The following DCD variants were observed in gnomAD, a reference collection of about 807,000 sequenced individuals.
The protein encoded by DCD is diffusible survival/evasion peptide.
DCD carries 17 observed loss-of-function variants against 14.5 expected under a neutral mutation model. The ratio of observed to expected loss-of-function variants is 1.18; its 90% confidence interval spans 0.81 to 1.76. The LOEUF (loss-of-function observed/expected upper bound fraction) is 1.76, where lower values mean the gene tolerates loss of function less well. DCD is among the 40% of genes most tolerant of loss of function. DCD has a pLI of 0.00. For synonymous variants in DCD, 64 were observed against 54.0 expected, an observed-to-expected ratio of 1.19 and a Z score of -0.82; for missense variants, 139 against 133.4, an observed-to-expected ratio of 1.04 and a Z score of -0.21.
At chr12:54,645,027 G>A in intron 4 of DCD, 146 bp downstream of exon 4, 1 of 1,494,658 alleles carries the variant, frequency 6.7e-7, no homozygotes, top group Non-Finnish European at 9.1e-7. Flanking sequence ...GACAAGAATG[G>A]CAATTTAAAT....
chr12:54,648,067 G>T (rs1383439270), intron 1 of DCD, among the ~76,000 whole-genome samples, 179 bp downstream of exon 1: 2 of 152,206 alleles, frequency 1.3e-5, no homozygotes, highest in African/African-American at 4.8e-5. Flanking sequence ...GGGGCCACAG[G>T]GCTCCTGGCT....
At chr12:54,644,785 A>G (rs199825782) in intron 4 of DCD, 29 bp from the exon 5 acceptor site, 4 of 1,594,710 alleles carry the variant, frequency 2.5e-6, no homozygotes, top group Middle Eastern at 1.7e-4. Flanking sequence ...AAAATGGGGT[A>G]AAGGGGTAGG....
chr12:54,644,911 T>A lies in DCD; in HGVS notation c.290-155A>T, dbSNP rs1212211958. 2.6e-6 allele frequency: 4 copies of A among 1,549,646 alleles called. No homozygotes were observed. In the African/African-American group the frequency reaches 5.5e-5, roughly 21 times the overall value. ...AGAAGTCAGAGGGATGGAGGTTAGA[T>A]TCACAGGAGCCCCAAAGACCAACCT... On this transcript the variant is annotated intron_variant, in intron 4 of 4. Coordinates refer to ENST00000293371, the MANE Select transcript of DCD (RefSeq NM_053283.4).
At chr12:54,647,359 C>T (rs1376674551) in intron 1 of DCD, among the ~76,000 whole-genome samples, 200 bp from the exon 2 acceptor site, 1 of 152,190 alleles carries the variant, frequency 6.6e-6, no homozygotes, top group Non-Finnish European at 1.5e-5. Flanking sequence ...TGTTATCCTC[C>T]CTAGACCTAG....
At position 54,644,713 on chromosome 12, in the gene DCD, C is replaced by G. The variant is rs1288745254; in HGVS notation, c.333G>C (p.Ter111TyrextTer2). The G allele has an allele frequency of 1.2e-6, 2 of 1,604,742 alleles. No homozygotes were observed. Among genetic ancestry groups the G allele is most frequent in the African/African-American group, 1.4e-5 (1 of 72,684 alleles). ...DVKDVLDSVL[*>Y] is the part of the protein sequence containing the mutation. The stretch of plus-strand genomic sequence containing the variant: ...ATCATTTCTCAGCTTCTCCTTACAG[C>G]TATAGTACTGAGTCAAGGACGTCTT... Residue 111 changes from the stop codon to tyrosine (Y), a stop_lost, in exon 5 of 5, where the codon TAG (stop) becomes TAC (tyrosine). Transcript: ENST00000293371.
Position 54,647,175 on chromosome 12 carries a change from C to A in DCD, c.59-16G>T, listed in dbSNP as rs1958268224. 4 of 1,559,336 alleles carry A rather than the reference C, an allele frequency of 2.6e-6. No individual in the cohort carries two copies. Among genetic ancestry groups the A allele is most frequent in the South Asian group, 2.4e-5 (2 of 84,402 alleles). ...TCTGGATCATCTGCAAAGGAGGGAA[C>A]AGTGACCATGTCAAGTAGGGCACAG... is the stretch of plus-strand genomic sequence containing the variant. On this transcript the variant is annotated splice_polypyrimidine_tract_variant and intron_variant, in intron 1 of 4. Coordinates refer to ENST00000293371, the MANE Select transcript of DCD (RefSeq NM_053283.4).
In DCD at chr12:54,645,663, C is replaced by T. The variant is rs1395065942; in HGVS notation, c.142G>A (p.Asp48Asn). The change falls in exon 3 of 5, where the codon GAC (aspartate) becomes AAC (asparagine). Residue 48 changes from aspartate (D) to asparagine (N), a missense_variant. Coordinates refer to ENST00000293371, the MANE Select transcript of DCD (RefSeq NM_053283.4). ...SAAQKENAGE[D>N]PGLARQAPKP... ...GGTGCCTGTCTGGCTAACCCTGGGT[C>T]TTCACCTGCATTTTCCTTTTGAGCT... 4 of 1,614,170 alleles carry T rather than the reference C, an allele frequency of 2.5e-6. No individual in the cohort carries two copies. The highest frequency in any genetic ancestry group is 3.4e-6 in the Non-Finnish European group (4 of 1,180,020).
rs769331508 is a variant in DCD at position 54,645,122 on chromosome 12, G to C, written c.289+51C>G. On this transcript the variant is annotated intron_variant, in intron 4 of 4. Transcript: ENST00000293371. Reference sequence around the variant, plus strand: ...TGTGGCAGTTTCAGATCTCATGCAAGGGGTGGAGACTGAGGCTGGTCCTGA... The same window carrying C: ...TGTGGCAGTTTCAGATCTCATGCAACGGGTGGAGACTGAGGCTGGTCCTGA... 3 of 1,584,204 alleles carry C rather than the reference G, an allele frequency of 1.9e-6. No homozygotes were observed. The South Asian group carries it at 3.3e-5, about 18-fold the overall frequency.
intron 1 of DCD, 71 bp downstream of exon 1, chr12:54,648,175 A>C: frequency 1.3e-6 from 2 of 1,551,722 alleles, no homozygotes; most frequent in Non-Finnish European, 1.8e-6. Flanking sequence ...GAGGAGGGGA[A>C]GGGGAAATGA....
chr12:54,645,926 T>C, intron 2 of DCD: 2 of 567,904 alleles, frequency 3.5e-6, no homozygotes, highest in Non-Finnish European at 6.5e-6. Flanking sequence ...TCCAGGGCCC[T>C]TTTCTAGAGT....
chr12:54,648,216 G>A lies in DCD; in HGVS notation c.58+30C>T, dbSNP rs768989743. The A allele has an allele frequency of 1.5e-5, 24 of 1,611,916 alleles. No individual in the cohort carries two copies. In the Admixed American group the frequency reaches 3.8e-4, roughly 26 times the overall value. On this transcript the variant is annotated intron_variant, in intron 1 of 4. Transcript: ENST00000293371. ...GGGCCCAGTCTTCAGGGGACTATAT[G>A]GTTGGGTGTCGGGGAAGAGCCATAC...
chr12:54,644,763 C>T lies in DCD; in HGVS notation c.290-7G>A, dbSNP rs757608223. 12 of 1,601,274 alleles carry T rather than the reference C, an allele frequency of 7.5e-6. No individual in the cohort carries two copies. The highest frequency in any genetic ancestry group is 7.7e-6 in the Non-Finnish European group (9 of 1,173,534). On this transcript the variant is annotated splice_region_variant and splice_polypyrimidine_tract_variant and intron_variant, in intron 4 of 4. Transcript: ENST00000293371. ...TTAACGTCATGGACGGCTCCTAGGA[C>T]AGCCACAGAAAAAAATGGGGTAAAG...
At chr12:54,646,742 G>C (rs2121289017) in intron 2 of DCD, among the ~76,000 whole-genome samples, 1 of 152,298 alleles carries the variant, frequency 6.6e-6, no homozygotes, top group Middle Eastern at 3.4e-3. Flanking sequence ...AGGCTAGGAG[G>C]TGAGAGTTTC....
chr12:54,648,340 T>C lies in DCD; in HGVS notation c.-37A>G, dbSNP rs949349136. 1.9e-6 allele frequency: 3 copies of C among 1,612,972 alleles called. No homozygotes were observed. Among genetic ancestry groups the C allele is most frequent in the Non-Finnish European group, 2.5e-6 (3 of 1,179,450 alleles). ...CTGGAGTGGGTATGCCACCAAATCCTTGGAGATCTTGGGATCTAGGGTGTC... is the reference window on the plus strand; with the variant it reads ...CTGGAGTGGGTATGCCACCAAATCCCTGGAGATCTTGGGATCTAGGGTGTC... On this transcript the variant is annotated 5_prime_UTR_variant, in exon 1 of 5. Coordinates refer to ENST00000293371, the MANE Select transcript of DCD (RefSeq NM_053283.4).
intron 4 of DCD, 157 bp downstream of exon 4, chr12:54,645,016 A>G: frequency 6.6e-7 from 1 of 1,506,058 alleles, no homozygotes; most frequent in South Asian, 1.2e-5. Context: ...TATCAATATC[A>G]GACAAGAATG....
intron 1 of DCD, among the ~76,000 whole-genome samples, chr12:54,647,884 A>C (rs962826286): frequency 6.6e-6 from 1 of 152,126 alleles, no homozygotes; most frequent in African/African-American, 2.4e-5. Context: ...TTGAGTAGGA[A>C]GGAGGTTGAC....
chr12:54,644,858 G>A, intron 4 of DCD, 102 bp from the exon 5 acceptor site: 1 of 1,552,044 alleles, frequency 6.4e-7, no homozygotes, highest in Non-Finnish European at 8.7e-7. Flanking sequence ...GAAGGGGAAG[G>A]GGAAGGGAGG....
Position 54,645,704 on chromosome 12 carries a change from C to A in DCD, c.101G>T (p.Cys34Phe), listed in dbSNP as rs763370380. The A allele has an allele frequency of 8.1e-6, 13 of 1,613,676 alleles. No individual in the cohort carries two copies. Among genetic ancestry groups the A allele is most frequent in the South Asian group, 7.7e-5 (7 of 91,060 alleles). Residue 34 changes from cysteine (C) to phenylalanine (F), a missense_variant, in exon 3 of 5, where the codon TGC becomes TTC. Cys to Phe is a radical substitution (Grantham distance 205). Coordinates refer to ENST00000293371, the MANE Select transcript of DCD (RefSeq NM_053283.4). ...CTTTTGAGCTGCTGATGCTTCATGG[C>A]AAGCTGCAAGGGTAAGGGAGTGAGA... ...AASAPGSGNP[C>F]HEASAAQKEN...
chr12:54,644,749 G>A lies in DCD; in HGVS notation c.297C>T (p.Val99=). The change falls in exon 5 of 5, where the codon GTC becomes GTT. Residue 99 remains valine, a synonymous_variant. Coordinates refer to ENST00000293371, the MANE Select transcript of DCD (RefSeq NM_053283.4). ...EDLESVGKGA[V]HDVKDVLDSV... is the part of the protein sequence containing the mutation. ...AGTCAAGGACGTCTTTAACGTCATG[G>A]ACGGCTCCTAGGACAGCCACAGAAA... 6.2e-7 allele frequency: 1 copy of A among 1,606,778 alleles called. No individual in the cohort carries two copies. The highest frequency in any genetic ancestry group is 8.5e-7 in the Non-Finnish European group (1 of 1,176,256).
Sources: allele counts gnomAD v4.1 joint callset (sites outside exome capture counted in the v4.1 genomes callset), GRCh38; gene constraint gnomAD v4.1.1; transcripts MANE v1.5; gene names NCBI Gene and HGNC (gene_info 2026-07-23, HGNC 2026-07-21).